Variants in PALLD observed in about 807,000 individuals in gnomAD.
PALLD encodes palladin, cytoskeletal associated protein.
In PALLD, 61 loss-of-function variants were observed where a neutral mutation model predicts 123.5. The ratio of observed to expected loss-of-function variants is 0.49; its 90% CI spans 0.40 to 0.61. The LOEUF (loss-of-function observed/expected upper bound fraction) is 0.61, where lower values mean the gene tolerates loss of function less well. PALLD is among the 20% of genes least tolerant of loss of function. PALLD has a pLI of 0.00. For synonymous variants in PALLD, 465 were observed against 496.4 expected (o/e 0.94, Z 0.84); for missense variants, 1,273 against 1,377.0 (o/e 0.92, Z 1.20).
intron 10 of PALLD, among the ~76,000 whole-genome samples, chr4:168,763,419 G>A (rs1581350017): frequency 1.3e-5 from 2 of 152,108 alleles, no homozygotes; most frequent in East Asian, 3.9e-4. Context: ...CACCTGTGAG[G>A]AAACAGGTTC....
chr4:168,846,895 A>G (rs1372855452), intron 10 of PALLD, among the ~76,000 whole-genome samples: 3 of 152,198 alleles, frequency 2.0e-5, no homozygotes, highest in Non-Finnish European at 2.9e-5. Flanking sequence ...ACGGTTAGCA[A>G]TATTACCATG....
chr4:168,797,821 C>T (rs1319465548), intron 10 of PALLD, among the ~76,000 whole-genome samples: 2 of 152,032 alleles, frequency 1.3e-5, no homozygotes, highest in Admixed American at 6.6e-5. Context: ...TCTTCTACCA[C>T]CTCAACCCCA....
intron 10 of PALLD, among the ~76,000 whole-genome samples, chr4:168,820,898 G>T (rs1742621565): frequency 6.6e-6 from 1 of 152,202 alleles, no homozygotes; most frequent in Admixed American, 6.5e-5. Context: ...TTGCAATGTT[G>T]TATGTCATAC....
intron 2 of PALLD, among the ~76,000 whole-genome samples, chr4:168,617,237 C>T (rs367674143): frequency 7.2e-5 from 11 of 152,262 alleles, no homozygotes; most frequent in Middle Eastern, 3.4e-3. Context: ...TGGTTTAATT[C>T]GTAAGTCTCT....
chr4:168,904,072 T>C (rs1757113757), intron 15 of PALLD, 166 bp downstream of exon 15: 3 of 674,496 alleles, frequency 4.4e-6, no homozygotes, highest in South Asian at 3.4e-5. Context: ...GAAAAATTCT[T>C]TGTTTCATGA....
intron 10 of PALLD, among the ~76,000 whole-genome samples, chr4:168,715,851 GA>G (rs751029710): frequency 6.6e-6 from 1 of 152,230 alleles, no homozygotes; most frequent in Non-Finnish European, 1.5e-5. Context: ...TCGGGAGGCT[GA>G]GGCAGGAGAA....
chr4:168,538,662 T>C (rs1194424461), intron 2 of PALLD, among the ~76,000 whole-genome samples: 1 of 152,134 alleles, frequency 6.6e-6, no homozygotes, highest in African/African-American at 2.4e-5. Context: ...TTAAATTACA[T>C]TGGGAATGCT....
chr4:168,766,638 A>C (rs1313389491), intron 10 of PALLD, among the ~76,000 whole-genome samples: 1 of 152,156 alleles, frequency 6.6e-6, no homozygotes, highest in Non-Finnish European at 1.5e-5. Flanking sequence ...AATGCGGGGG[A>C]AAGAGTATAG....
intron 10 of PALLD, among the ~76,000 whole-genome samples, chr4:168,817,410 C>T (rs1340050974): frequency 6.6e-6 from 1 of 152,156 alleles, no homozygotes; most frequent in Non-Finnish European, 1.5e-5. Context: ...TAACTGTATC[C>T]TTTGAGAAAA....
At chr4:168,560,471 C>G (rs1294407151) in intron 2 of PALLD, among the ~76,000 whole-genome samples, 2 of 152,210 alleles carry the variant, frequency 1.3e-5, no homozygotes, top group African/African-American at 4.8e-5. Flanking sequence ...TTGAACCAGA[C>G]AGATTTCTTT....
Position 168,684,392 on chromosome 4 carries a change from A to T in PALLD, c.1261-1093A>T, listed in dbSNP as rs909055004. Among the ~76,000 whole-genome samples the T allele has an allele frequency of 2.3e-4, 35 of 152,204 alleles. 1 individual carries two copies. Among genetic ancestry groups the T allele is most frequent in the Admixed American group, 1.3e-4 (2 of 15,274 alleles). ...CTCCATCGCTTTATTATTGCAGGCA[A>T]TGTGACATCAAGTAATGCTCTGGAA... On this transcript the variant is annotated intron_variant, in intron 5 of 21. Transcript: ENST00000505667.
chr4:168,506,384 T>C (rs1260625997), intron 1 of PALLD, among the ~76,000 whole-genome samples: 1 of 149,280 alleles, frequency 6.7e-6, no homozygotes, highest in Admixed American at 6.7e-5. Flanking sequence ...TCTCTCTCCC[T>C]TTCTCTCTTA....
intron 10 of PALLD, among the ~76,000 whole-genome samples, chr4:168,752,823 T>C (rs115801689): frequency 0.013 from 1,949 of 152,154 alleles, 39 homozygotes; most frequent in African/African-American, 0.044. Flanking sequence ...AAATTCCCAA[T>C]GTATATTATT....
intron 10 of PALLD, among the ~76,000 whole-genome samples, chr4:168,759,195 AAAAAAAAATATATATATAT>A (rs1327412363): frequency 3.1e-5 from 1 of 32,762 alleles, no homozygotes; most frequent in Non-Finnish European, 5.9e-5. Flanking sequence ...AAAAAAAAAA[AAAAAAAAATATATATATAT>A]ATATATATAT....
At chr4:168,682,927 G>C in intron 4 of PALLD, 71 bp from the exon 5 acceptor site, 2 of 827,768 alleles carry the variant, frequency 2.4e-6, no homozygotes, top group Non-Finnish European at 3.9e-6. Flanking sequence ...AATTATTTCT[G>C]CTAAAAAAAA....
chr4:168,605,810 T>G (rs1195305692), intron 2 of PALLD, among the ~76,000 whole-genome samples: 1 of 152,258 alleles, frequency 6.6e-6, no homozygotes, highest in African/African-American at 2.4e-5. Context: ...GTAAGTAGTG[T>G]AAAAGATATT....
At chr4:168,676,175 T>C (rs1197690780) in intron 3 of PALLD, among the ~76,000 whole-genome samples, 2 of 152,354 alleles carry the variant, frequency 1.3e-5, no homozygotes, top group Middle Eastern at 3.4e-3. Context: ...ATCTACTCTT[T>C]TGAACTTTTT....
intron 2 of PALLD, among the ~76,000 whole-genome samples, chr4:168,567,542 G>GGTGTGTGTGTGTGTGTGT (rs61409598): frequency 4.3e-4 from 63 of 145,548 alleles, no homozygotes; most frequent in Non-Finnish European, 5.7e-4. Flanking sequence ...AAGAAAATGT[G>GGTGTGTGTGTGTGTGTGT]GTGTGTGTGT....
Position 168,534,772 on chromosome 4 carries a change from C to T in PALLD, c.908+22360C>T, listed in dbSNP as rs533925396. On this transcript the variant is annotated intron_variant, in intron 2 of 21. Transcript: ENST00000505667. ...CATGACAGCCACAGGGGCACCAATT[C>T]TGTCTTATTTTCCTTTGAATCCTCT... Among the ~76,000 whole-genome samples, 8 of 152,292 alleles carry T rather than the reference C, an allele frequency of 5.3e-5. 1 individual carries two copies. The highest frequency in any genetic ancestry group is 8.8e-5 in the Non-Finnish European group (6 of 68,022).
Sources: gnomAD v4.1 joint callset for allele counts (sites outside exome capture counted in the v4.1 genomes callset) on GRCh38, gnomAD v4.1.1 for gene constraint, MANE v1.5 for transcripts, NCBI Gene and HGNC (gene_info 2026-07-23, HGNC 2026-07-21) for gene names.